FSIP2: variants seen among roughly 807,000 people sequenced by gnomAD.
The protein encoded by FSIP2 is fibrous sheath-interacting protein 2.
A neutral mutation model predicts 510.5 loss-of-function variants in FSIP2; 367 were observed. That is an observed-to-expected ratio of 0.72 (90% CI 0.66 to 0.78). FSIP2 has a LOEUF of 0.78. FSIP2 is among the 30% of genes least tolerant of loss of function. The probability of loss-of-function intolerance (pLI) is 0.00; values close to 1 mark genes in which losing one functional copy is unlikely to be tolerated. For missense variants in FSIP2, 7,594 were observed against 7,901.7 expected (o/e 0.96, Z 1.48); for synonymous variants, 2,601 against 2,732.2 (o/e 0.95, Z 1.50).
rs201710369 is a variant in FSIP2 at position 185,792,651 on chromosome 2, A to G, written c.5515A>G (p.Ile1839Val). The change falls in exon 16 of 23, where the codon ATA becomes GTA. Residue 1839 changes from isoleucine to valine, a missense_variant. Transcript: ENST00000424728. ...MMDPLLSEAD[I>V]TIVTDNIVRT... Reference sequence around the variant, plus strand: ...GGATCCTTTACTTTCGGAAGCAGATATAACCATAGTAACAGATAATATTGT... The same window carrying G: ...GGATCCTTTACTTTCGGAAGCAGATGTAACCATAGTAACAGATAATATTGT... 8.0e-5 allele frequency: 122 copies of G among 1,534,058 alleles called. No homozygotes were observed. The highest frequency in any genetic ancestry group is 6.7e-4 in the Middle Eastern group (4 of 5,970).
At chr2:185,831,495 C>T (rs549730254) in intron 21 of FSIP2, among the ~76,000 whole-genome samples, 78 of 151,880 alleles carry the variant, frequency 5.1e-4, no homozygotes, top group African/African-American at 1.9e-3. Context: ...TAACTTTTTT[C>T]AATTCAGTCA....
chr2:185,791,606 T>C lies in FSIP2; in HGVS notation c.4470T>C (p.Tyr1490=). The C allele has an allele frequency of 6.5e-7, 1 of 1,534,250 alleles. No homozygotes were observed. Among genetic ancestry groups the C allele is most frequent in the South Asian group, 1.2e-5 (1 of 84,024 alleles). ...TAATTTCTAAAGCAATTTTGGATTA[T>C]ATCCTTGCAAAATTATGTGGTGTTG... The part of the protein sequence containing the change: ...IQLISKAILD[Y]ILAKLCGVDM... The change falls in exon 16 of 23, where the codon TAT becomes TAC. Residue 1490 remains tyrosine (Y), a synonymous_variant. Coordinates refer to ENST00000424728, the MANE Select transcript of FSIP2 (RefSeq NM_173651.4).
In FSIP2 at chr2:185,795,720, G is replaced by T; in HGVS notation, c.8584G>T (p.Ala2862Ser). ...TGAAAAATGTAAGCTATTGATGATAGCTGAAAATGTTTTGACTGAAATTTC... is the reference window on the plus strand; with the variant it reads ...TGAAAAATGTAAGCTATTGATGATATCTGAAAATGTTTTGACTGAAATTTC... ...ENEKCKLLMI[A>S]ENVLTEISIK... Residue 2862 changes from alanine (A) to serine (S), a missense_variant, in exon 16 of 23, where the codon GCT (alanine) becomes TCT (serine). Ala to Ser is a moderately conservative substitution (Grantham distance 99, BLOSUM62 1). Transcript: ENST00000424728. 6.5e-7 allele frequency: 1 copy of T among 1,532,696 alleles called. No individual in the cohort carries two copies. The highest frequency in any genetic ancestry group is 8.7e-7 in the Non-Finnish European group (1 of 1,145,116). The allele number at this position is 1,532,696 out of a possible 1,614,324, so 94.9% of individuals were successfully genotyped here.
intron 21 of FSIP2, among the ~76,000 whole-genome samples, chr2:185,830,101 T>C (rs1020748280): frequency 2.6e-5 from 4 of 151,928 alleles, no homozygotes; most frequent in African/African-American, 7.2e-5. Flanking sequence ...ATGTATGATT[T>C]GAACATAATG....
At chr2:185,787,170 T>TCCTATAAAC (rs1693008268) in intron 15 of FSIP2, among the ~76,000 whole-genome samples, 1 of 151,868 alleles carries the variant, frequency 6.6e-6, no homozygotes, top group Admixed American at 6.6e-5. Context: ...TATAAACATT[T>TCCTATAAAC]AGGTATGATT....
Position 185,794,604 on chromosome 2 carries a change from C to A in FSIP2, c.7468C>A (p.Leu2490Ile). ...KGELLIAVEE[L>I]LNKLYQRVRE... ...TGAACTGCTCATTGCAGTGGAAGAA[C>A]TTTTGAATAAGTTGTATCAAAGAGT... The change falls in exon 16 of 23, where the codon CTT becomes ATT. Residue 2490 changes from leucine to isoleucine, a missense_variant. Leu to Ile is a conservative substitution (Grantham distance 5, BLOSUM62 2). Coordinates refer to ENST00000424728, the MANE Select transcript of FSIP2 (RefSeq NM_173651.4). 6 of 1,532,158 alleles carry A rather than the reference C, an allele frequency of 3.9e-6. No individual in the cohort carries two copies. Among genetic ancestry groups the A allele is most frequent in the Non-Finnish European group, 5.2e-6 (6 of 1,145,062 alleles). The allele number at this position is 1,532,158 out of a possible 1,614,324, so 94.9% of individuals were successfully genotyped here. A position where few individuals can be genotyped will look rare whatever the true frequency, so the allele number is the denominator to read the frequency against.
Position 185,804,747 on chromosome 2 carries a change from T to A in FSIP2, c.15441T>A (p.Asp5147Glu). Residue 5147 changes from aspartate to glutamate, a missense_variant, in exon 17 of 23, where the codon GAT becomes GAA. Transcript: ENST00000424728. ...TAAAAGAGAAAAAGTTTCCACCGGATGATGAATTTGTGGAGGCAGCTTCAA... is the reference window on the plus strand; with the variant it reads ...TAAAAGAGAAAAAGTTTCCACCGGAAGATGAATTTGTGGAGGCAGCTTCAA... ...NELKEKKFPP[D>E]DEFVEAASKL... 1 of 1,530,436 alleles carries A rather than the reference T, an allele frequency of 6.5e-7. No homozygotes were observed. The highest frequency in any genetic ancestry group is 8.7e-7 in the Non-Finnish European group (1 of 1,144,358). 94.8% of individuals were successfully genotyped at this position (1,530,436 alleles called of 1,614,324 possible).
Position 185,792,149 on chromosome 2 carries a change from C to T in FSIP2, c.5013C>T (p.Asn1671=). 1 of 1,533,182 alleles carries T rather than the reference C, an allele frequency of 6.5e-7. No homozygotes were observed. Among genetic ancestry groups the T allele is most frequent in the South Asian group, 1.2e-5 (1 of 83,834 alleles). 95.0% of individuals were successfully genotyped at this position (1,533,182 alleles called of 1,614,324 possible). ...CAGATTTGAAGACAAGTGTAGAAAA[C>T]CCACCACCTGAGACTCAAATACTTA... The part of the protein sequence containing the change: ...TSSDLKTSVE[N]PPPETQILKY... Residue 1671 remains asparagine (N), a synonymous_variant, in exon 16 of 23, where the codon AAC becomes AAT. Coordinates refer to ENST00000424728, the MANE Select transcript of FSIP2 (RefSeq NM_173651.4).
In FSIP2 at chr2:185,808,404, A is replaced by G; in HGVS notation, c.19098A>G (p.Ser6366=). 1 of 1,609,790 alleles carries G rather than the reference A, an allele frequency of 6.2e-7. No individual in the cohort carries two copies. The highest frequency in any genetic ancestry group is 1.1e-5 in the South Asian group (1 of 90,256). ...AACTAATAAGGTTGCCAAGTTCCTCAAGCAAAGATGAAAAAAACTTATCAA... is the reference window on the plus strand; with the variant it reads ...AACTAATAAGGTTGCCAAGTTCCTCGAGCAAAGATGAAAAAAACTTATCAA... ...LAKLIRLPSS[S]SKDEKNLSKT... is the part of the protein sequence containing the mutation. Residue 6366 remains serine (S), a synonymous_variant, in exon 17 of 23, where the codon TCA becomes TCG. Transcript: ENST00000424728.
intron 16 of FSIP2, 73 bp downstream of exon 16, chr2:185,797,599 A>T: frequency 7.1e-7 from 1 of 1,415,594 alleles, no homozygotes; most frequent in Non-Finnish European, 9.3e-7. Flanking sequence ...TGTTTAAAAG[A>T]TCTCCTGTCT....
Position 185,803,582 on chromosome 2 carries a change from T to C in FSIP2, c.14276T>C (p.Leu4759Pro), listed in dbSNP as rs1194764612. The part of the protein sequence containing the change: ...ANLPFKSHSK[L>P]SANVLIQRVQ... ...CTGCCTTTTAAATCACATTCCAAAC[T>C]CAGTGCAAATGTTTTAATACAAAGA... Residue 4759 changes from leucine to proline, a missense_variant, in exon 17 of 23, where the codon CTC (leucine) becomes CCC (proline). By Grantham distance (98) the Leu-to-Pro change is moderately conservative. Coordinates refer to ENST00000424728, the MANE Select transcript of FSIP2 (RefSeq NM_173651.4). The C allele has an allele frequency of 1.3e-6, 2 of 1,532,056 alleles. No individual in the cohort carries two copies. The highest frequency in any genetic ancestry group is 2.0e-5 in the Admixed American group (1 of 50,694). 94.9% of individuals were successfully genotyped at this position (1,532,056 alleles called of 1,614,324 possible). A position where few individuals can be genotyped will look rare whatever the true frequency, so the allele number is the denominator to read the frequency against.
In FSIP2 at chr2:185,795,967, C is replaced by T. The variant is rs764872007; in HGVS notation, c.8831C>T (p.Thr2944Ile). 2.3e-5 allele frequency: 36 copies of T among 1,534,594 alleles called. No individual in the cohort carries two copies. The highest frequency in any genetic ancestry group is 1.7e-4 in the Middle Eastern group (1 of 6,000). The change falls in exon 16 of 23, where the codon ACT becomes ATT. Residue 2944 changes from threonine (T) to isoleucine (I), a missense_variant. Transcript: ENST00000424728. ...SQIPTPDSEE[T>I]LSNSKEHITA... is the part of the protein sequence containing the mutation. ...ATTCCCACTCCAGATAGTGAAGAAA[C>T]TCTATCAAACAGTAAAGAACACATT...
rs1483152521 is a variant in FSIP2 at position 185,789,639 on chromosome 2, GT to G, written c.2506del (p.Ser836LeufsTer47). ...HAILEKLMTL[V>X]SFKQNEFLHL... The stretch of plus-strand genomic sequence containing the variant: ...CATTTTAGAAAAGCTAATGACTCTT[GT>G]TTCTTTTAAGCAAAATGAATTTCTT... On this transcript the variant is annotated frameshift_variant, in exon 16 of 23. Transcript: ENST00000424728. LOFTEE classifies it high-confidence loss of function. 6.5e-7 allele frequency: 1 copy of G among 1,534,278 alleles called. No individual in the cohort carries two copies. Among genetic ancestry groups the G allele is most frequent in the African/African-American group, 1.4e-5 (1 of 72,994 alleles).
At position 185,794,102 on chromosome 2, in the gene FSIP2, C is replaced by G. The variant is rs1362532881; in HGVS notation, c.6966C>G (p.Ser2322Arg). Reference sequence around the variant, plus strand: ...TATCAGCAACTGAAACCATTCTCAGCCAAGAGCTTACAGATTTCACTTTTG... The same window carrying G: ...TATCAGCAACTGAAACCATTCTCAGGCAAGAGCTTACAGATTTCACTTTTG... Reference protein sequence around the residue: ...LKISATETILSQELTDFTFVG... With the variant: ...LKISATETILRQELTDFTFVG... The change falls in exon 16 of 23, where the codon AGC becomes AGG. Residue 2322 changes from serine (S) to arginine (R), a missense_variant. Transcript: ENST00000424728. 28 of 1,531,198 alleles carry G rather than the reference C, an allele frequency of 1.8e-5. No individual in the cohort carries two copies. Among genetic ancestry groups the G allele is most frequent in the Non-Finnish European group, 2.4e-5 (28 of 1,143,966 alleles). 94.9% of individuals were successfully genotyped at this position (1,531,198 alleles called of 1,614,324 possible).
At chr2:185,812,574 T>C (rs1252802825) in intron 17 of FSIP2, among the ~76,000 whole-genome samples, 1 of 152,074 alleles carries the variant, frequency 6.6e-6, no homozygotes, top group Admixed American at 6.6e-5. Context: ...CCCTACACTC[T>C]TGTTGGTTCT....
At position 185,788,938 on chromosome 2, in the gene FSIP2, C is replaced by T; in HGVS notation, c.1802C>T (p.Pro601Leu). The T allele has an allele frequency of 6.5e-7, 1 of 1,534,978 alleles. No homozygotes were observed. Among genetic ancestry groups the T allele is most frequent in the South Asian group, 1.2e-5 (1 of 84,038 alleles). ...SVRRPTTPIK[P>L]PPAHVEKTVV... ...AGGAGACCAACCACACCTATAAAAC[C>T]TCCTCCTGCACATGTGGAAAAAACA... Residue 601 changes from proline to leucine, a missense_variant, in exon 16 of 23, where the codon CCT becomes CTT. Physicochemically the swap from Pro to Leu is moderately conservative, Grantham distance 98. Transcript: ENST00000424728.
chr2:185,807,910 A>G lies in FSIP2; in HGVS notation c.18604A>G (p.Thr6202Ala). Residue 6202 changes from threonine (T) to alanine (A), a missense_variant, in exon 17 of 23, where the codon ACA becomes GCA. Physicochemically the swap from Thr to Ala is moderately conservative, Grantham distance 58. Transcript: ENST00000424728. ...SIFPKVHKER[T>A]KSLETDMQKI... ...ATTTCCAAAAGTACATAAAGAAAGA[A>G]CAAAATCTCTAGAGACTGATATGCA... 1 of 1,602,066 alleles carries G rather than the reference A, an allele frequency of 6.2e-7. No homozygotes were observed. The highest frequency in any genetic ancestry group is 8.5e-7 in the Non-Finnish European group (1 of 1,175,992).
At position 185,796,344 on chromosome 2, in the gene FSIP2, C is replaced by T. The variant is rs554187595; in HGVS notation, c.9208C>T (p.Arg3070Trp). 175 of 1,533,310 alleles carry T rather than the reference C, an allele frequency of 1.1e-4. No individual in the cohort carries two copies. Among genetic ancestry groups the T allele is most frequent in the South Asian group, 2.3e-4 (19 of 83,956 alleles). 95.0% of individuals were successfully genotyped at this position (1,533,310 alleles called of 1,614,324 possible). A position where few individuals can be genotyped will look rare whatever the true frequency, so the allele number is the denominator to read the frequency against. The change falls in exon 16 of 23, where the codon CGG becomes TGG. Residue 3070 changes from arginine to tryptophan, a missense_variant. By Grantham distance (101) the Arg-to-Trp change is moderately radical. Coordinates refer to ENST00000424728, the MANE Select transcript of FSIP2 (RefSeq NM_173651.4). ...FKENIQNILL[R>W]VHSFHSQLLT... ...GGAAAACATACAGAATATCCTTCTA[C>T]GGGTTCATTCATTCCATTCACAATT...
Position 185,799,917 on chromosome 2 carries a change from G to T in FSIP2, c.10611G>T (p.Lys3537Asn). The change falls in exon 17 of 23, where the codon AAG becomes AAT. Residue 3537 changes from lysine to asparagine, a missense_variant. By Grantham distance (94) the Lys-to-Asn change is moderately conservative. Coordinates refer to ENST00000424728, the MANE Select transcript of FSIP2 (RefSeq NM_173651.4). Reference protein sequence around the residue: ...AWEIQEATFSKIISIHSQVFE... With the variant: ...AWEIQEATFSNIISIHSQVFE... ...AAATTCAAGAAGCAACATTTAGCAA[G>T]ATTATTTCAATTCATTCTCAAGTGT... 1 of 1,533,828 alleles carries T rather than the reference G, an allele frequency of 6.5e-7. No homozygotes were observed. The highest frequency in any genetic ancestry group is 8.7e-7 in the Non-Finnish European group (1 of 1,145,452).
Sources: allele counts gnomAD v4.1 joint callset (sites outside exome capture counted in the v4.1 genomes callset), GRCh38; gene constraint gnomAD v4.1.1; transcripts MANE v1.5; gene names NCBI Gene and HGNC (gene_info 2026-07-23, HGNC 2026-07-21).